WDR20: variants seen among roughly 807,000 people sequenced by gnomAD.
The protein encoded by WDR20 is WD repeat domain 20.
Under a neutral mutation model 38.7 loss-of-function variants are expected in WDR20, and 3 were observed. That is an observed-to-expected ratio of 0.08 (90% CI 0.04 to 0.20). The LOEUF is 0.20. WDR20 is among the 10% of genes least tolerant of loss of function. The probability of loss-of-function intolerance (pLI) is 1.00; values close to 1 mark genes in which losing one functional copy is unlikely to be tolerated. For synonymous variants in WDR20, 298 were observed against 285.6 expected (o/e 1.04, Z -0.44); for missense variants, 559 against 727.7 (o/e 0.77, Z 2.67).
At chr14:102,149,238 C>T (rs911615898) in intron 1 of WDR20, among the ~76,000 whole-genome samples, 10 of 151,910 alleles carry the variant, frequency 6.6e-5, no homozygotes, top group African/African-American at 2.4e-4. Context: ...GCTGTGTTGC[C>T]TAGTCTGACC....
At chr14:102,142,630 T>A (rs1032559238) in intron 1 of WDR20, among the ~76,000 whole-genome samples, 8 of 151,306 alleles carry the variant, frequency 5.3e-5, no homozygotes, top group African/African-American at 1.7e-4. Flanking sequence ...AAAAAAAAAA[T>A]GTTTTTTAGA....
At chr14:102,216,242 A>G (rs1021023953), downstream of WDR20, among the ~76,000 whole-genome samples, 3 of 152,194 alleles carry the variant, frequency 2.0e-5, no homozygotes, top group South Asian at 2.1e-4. Context: ...ACAGCTCTCA[A>G]AAGCGGCCTC....
At chr14:102,150,300 A>AC (rs2055330001) in intron 1 of WDR20, among the ~76,000 whole-genome samples, 1 of 151,956 alleles carries the variant, frequency 6.6e-6, no homozygotes, top group Non-Finnish European at 1.5e-5. Flanking sequence ...ACATAGTGAG[A>AC]CCCCATCTCT....
chr14:102,160,665 G>A (rs1165973667), intron 1 of WDR20, among the ~76,000 whole-genome samples: 1 of 151,840 alleles, frequency 6.6e-6, no homozygotes, highest in Non-Finnish European at 1.5e-5. Flanking sequence ...AATAATGGCC[G>A]GGCGCGGTGG....
chr14:102,169,753 C>T (rs764546864), intron 1 of WDR20, among the ~76,000 whole-genome samples: 4 of 152,120 alleles, frequency 2.6e-5, no homozygotes, highest in Non-Finnish European at 5.9e-5. Flanking sequence ...GTCTCGAACT[C>T]TTGACCTCAG....
rs543379333 is a variant in WDR20 at position 102,220,907 on chromosome 14, A to T, written c.1693-1923A>T. On this transcript the variant is annotated intron_variant, in intron 3 of 3. Transcript: ENST00000335263. This position sits in a 1 kb window ranked among gnomAD's most constrained non-coding sequence, Gnocchi z 4.2. ...CCACACAGCCTCCTGAGTAGCTGGGATGACAGCCGTGCGCCACCACACCCG... is the reference window on the plus strand; with the variant it reads ...CCACACAGCCTCCTGAGTAGCTGGGTTGACAGCCGTGCGCCACCACACCCG... Among the ~76,000 whole-genome samples the T allele has an allele frequency of 6.6e-6, 1 of 151,836 alleles. No individual in the cohort carries two copies. Among genetic ancestry groups the T allele is most frequent in the East Asian group, 1.9e-4 (1 of 5,158 alleles).
intron 1 of WDR20, among the ~76,000 whole-genome samples, chr14:102,180,273 T>C (rs1044259911): frequency 6.6e-6 from 1 of 152,222 alleles, no homozygotes; most frequent in African/African-American, 2.4e-5. Context: ...AGGGTCACTG[T>C]TGTATTAACC....
intron 1 of WDR20, among the ~76,000 whole-genome samples, chr14:102,153,050 G>A (rs984988206): frequency 1.3e-5 from 2 of 152,092 alleles, no homozygotes; most frequent in Admixed American, 1.3e-4. Context: ...GGATTTCTCA[G>A]GAATGGTTTA....
rs1195935960 is a variant in WDR20 at position 102,172,414 on chromosome 14, G to A, written c.250-22524G>A. On this transcript the variant is annotated intron_variant, in intron 1 of 2. Coordinates refer to ENST00000342702, the MANE Select transcript of WDR20 (RefSeq NM_144574.4). ...TGTCATCATGGCCCGTTCTCAATGA[G>A]CTGTTGGGCACACCTCCCAGACGGG... is the stretch of plus-strand genomic sequence containing the variant. 2.6e-5 allele frequency among the ~76,000 whole-genome samples: 4 copies of A among 151,578 alleles called. No individual in the cohort carries two copies. The South Asian group carries it at 6.2e-4, about 24-fold the overall frequency.
At chr14:102,212,154 G>A (rs74666339), downstream of WDR20, among the ~76,000 whole-genome samples, 663 of 152,262 alleles carry the variant, frequency 4.4e-3, 6 homozygotes, top group African/African-American at 0.015. Flanking sequence ...GAAGTGTGCT[G>A]TCTAGTATGG....
Position 102,139,992 on chromosome 14 carries a change from G to A in WDR20, c.69G>A (p.Leu23=). ...IKTQFTTREG[L]YKLLPHSEYS... is the part of the protein sequence containing the mutation. ...CCCAATTCACCACCCGGGAAGGTCT[G>A]TACAAGCTGCTGCCGCACTCGGAGT... The change falls in exon 1 of 3, where the codon CTG becomes CTA. Residue 23 remains leucine, a synonymous_variant. Coordinates refer to ENST00000342702, the MANE Select transcript of WDR20 (RefSeq NM_144574.4). 1.9e-6 allele frequency: 3 copies of A among 1,614,236 alleles called. No homozygotes were observed. The highest frequency in any genetic ancestry group is 2.5e-6 in the Non-Finnish European group (3 of 1,180,030).
At chr14:102,172,674 A>C (rs1461900495) in intron 1 of WDR20, among the ~76,000 whole-genome samples, 18 of 127,448 alleles carry the variant, frequency 1.4e-4, no homozygotes, top group African/African-American at 5.8e-4. Flanking sequence ...TGACCCCCCC[A>C]CCTCCCTCCC....
chr14:102,214,539 C>T (rs2062970981), downstream of WDR20: 2 of 985,282 alleles, frequency 2.0e-6, no homozygotes, highest in African/African-American at 1.7e-5. Context: ...ACACGAACTT[C>T]GTGTCATAAA....
At chr14:102,169,727 C>T (rs1566894292) in intron 1 of WDR20, among the ~76,000 whole-genome samples, 1 of 152,068 alleles carries the variant, frequency 6.6e-6, no homozygotes, top group South Asian at 2.1e-4. Flanking sequence ...AGGGTTTCAC[C>T]ATGTTGGCCA....
chr14:102,208,448 A>G lies in WDR20; in HGVS notation c.433-155A>G, dbSNP rs2061957463. ...TCTAAATTACCCCAAAAGGGCCAAA[A>G]CGCTCCTTGCTGGCTTGGCTGACTG... On this transcript the variant is annotated intron_variant, in intron 2 of 2. Transcript: ENST00000342702. The surrounding 1 kb of genome is among the most constrained non-coding windows in gnomAD (Gnocchi z 5.6). Among the ~76,000 whole-genome samples the G allele has an allele frequency of 6.6e-6, 1 of 152,194 alleles. No individual in the cohort carries two copies. Among genetic ancestry groups the G allele is most frequent in the Non-Finnish European group, 1.5e-5 (1 of 68,046 alleles).
chr14:102,185,660 T>C (rs1202388771), intron 1 of WDR20, among the ~76,000 whole-genome samples: 1 of 152,168 alleles, frequency 6.6e-6, no homozygotes, highest in Non-Finnish European at 1.5e-5. Context: ...CTTTGTAAAC[T>C]GTAAAGTGAT....
chr14:102,144,435 T>C (rs1399441881), intron 1 of WDR20, among the ~76,000 whole-genome samples: 1 of 146,648 alleles, frequency 6.8e-6, no homozygotes, highest in Non-Finnish European at 1.5e-5. Flanking sequence ...TGAGCCAAGA[T>C]CATACCACCG....
chr14:102,206,392 G>A (rs932089378), intron 2 of WDR20, among the ~76,000 whole-genome samples: 1 of 152,096 alleles, frequency 6.6e-6, no homozygotes, highest in Non-Finnish European at 1.5e-5. Flanking sequence ...CCTCACTATT[G>A]CAAAGCAATA....
intron 1 of WDR20, among the ~76,000 whole-genome samples, chr14:102,155,914 A>T (rs1319199763): frequency 6.6e-6 from 1 of 150,578 alleles, no homozygotes; most frequent in East Asian, 2.0e-4. Context: ...AGATGGGTCT[A>T]CATGAAGCTT....
Sources: allele counts gnomAD v4.1 joint callset (sites outside exome capture counted in the v4.1 genomes callset), GRCh38; gene constraint gnomAD v4.1.1; non-coding constraint Gnocchi (gnomAD v3.1); transcripts MANE v1.5; gene names NCBI Gene and HGNC (gene_info 2026-07-23, HGNC 2026-07-21).